The following DDAH1 variants were observed in gnomAD, a reference collection of about 807,000 sequenced individuals.
The protein encoded by DDAH1 is N(G),N(G)-dimethylarginine dimethylaminohydrolase 1.
In DDAH1, 19 loss-of-function variants were observed where a neutral mutation model predicts 28.8. That is an observed-to-expected ratio of 0.66 (90% confidence interval 0.46 to 0.97). The LOEUF is 0.97. Among genes scored for constraint, DDAH1 ranks in the 50% least tolerant of loss-of-function variants. DDAH1 has a pLI of 0.00. For missense variants in DDAH1, 326 were observed against 375.9 expected (o/e 0.87, Z 1.10); for synonymous variants, 153 against 154.4 (o/e 0.99, Z 0.07).
chr1:85,360,897 T>A (rs1049607679), intron 1 of DDAH1, among the ~76,000 whole-genome samples: 1 of 152,198 alleles, frequency 6.6e-6, no homozygotes, highest in Non-Finnish European at 1.5e-5. Flanking sequence ...AACTAGCTCT[T>A]GTGCAGGGGC....
At chr1:85,403,224 AATAT>A (rs199694296) in intron 1 of DDAH1, among the ~76,000 whole-genome samples, 7 of 80,028 alleles carry the variant, frequency 8.7e-5, no homozygotes, top group Non-Finnish European at 1.9e-4. Flanking sequence ...TATGTATGTG[AATAT>A]ATATGTGTGT....
intron 1 of DDAH1, among the ~76,000 whole-genome samples, chr1:85,409,362 A>C (rs187324954): frequency 3.2e-4 from 49 of 152,258 alleles, no homozygotes; most frequent in African/African-American, 1.1e-3. Context: ...AAAGAGAAAG[A>C]TCTGATCATG....
chr1:85,518,164 C>T lies in DDAH1; in HGVS notation c.-122-21883G>A, dbSNP rs368068726. ...CTCTGATTTAGCTATATATATGCAC[C>T]CTGGAATCAGACTACCTGAGCTCCC... On this transcript the variant is annotated intron_variant, in intron 1 of 6. Coordinates refer to the DDAH1 transcript ENST00000426972. 2.4e-4 allele frequency among the ~76,000 whole-genome samples: 36 copies of T among 152,252 alleles called. No individual in the cohort carries two copies. In the South Asian group the frequency reaches 7.0e-3, roughly 30 times the overall value.
At chr1:85,388,428 C>A (rs1651385683) in intron 1 of DDAH1, among the ~76,000 whole-genome samples, 1 of 151,962 alleles carries the variant, frequency 6.6e-6, no homozygotes, top group Admixed American at 6.5e-5. Flanking sequence ...TATGAGATTA[C>A]AGAAATAATG....
intron 1 of DDAH1, among the ~76,000 whole-genome samples, chr1:85,508,876 A>G (rs924093668): frequency 5.3e-5 from 8 of 152,182 alleles, no homozygotes; most frequent in Non-Finnish European, 8.8e-5. Flanking sequence ...TCTAGACTCC[A>G]CCTCTGCCGG....
Position 85,358,757 on chromosome 1 carries a change from A to G in DDAH1, c.394T>C (p.Leu132=). The G allele has an allele frequency of 6.2e-7, 1 of 1,605,140 alleles. No individual in the cohort carries two copies. The highest frequency in any genetic ancestry group is 1.1e-5 in the South Asian group (1 of 89,922). The stretch of plus-strand genomic sequence containing the variant: ...ATAAATACAACTATACCTGTGAATA[A>G]AACATCTCCGCCATCTAAAGTTGCA... ...ENATLDGGDV[L]FTGREFFVGL... Residue 132 remains leucine (L), a synonymous_variant, in exon 2 of 6, where the codon TTA becomes CTA. Coordinates refer to ENST00000284031, the MANE Select transcript of DDAH1 (RefSeq NM_012137.4).
intron 1 of DDAH1, among the ~76,000 whole-genome samples, chr1:85,457,814 C>T (rs992392365): frequency 4.6e-5 from 7 of 152,136 alleles, no homozygotes; most frequent in East Asian, 1.9e-4. Context: ...CTCAGCCTCC[C>T]GAGTAGCTGG....
chr1:85,401,490 CTTTT>C (rs1179870149), intron 1 of DDAH1, among the ~76,000 whole-genome samples: 3 of 134,834 alleles, frequency 2.2e-5, no homozygotes, highest in East Asian at 2.3e-4. Flanking sequence ...TTTCTTTTTT[CTTTT>C]TTCTTTCTTT....
At chr1:85,346,835 A>C (rs988974042) in intron 4 of DDAH1, among the ~76,000 whole-genome samples, 2 of 152,232 alleles carry the variant, frequency 1.3e-5, no homozygotes, top group African/African-American at 4.8e-5. Flanking sequence ...GGCAACCTAC[A>C]GAATGGGAGA....
At chr1:85,556,076 G>A (rs1658954896) in intron 1 of DDAH1, among the ~76,000 whole-genome samples, 2 of 118,168 alleles carry the variant, frequency 1.7e-5, no homozygotes, top group African/African-American at 3.1e-5. Context: ...CACCACCGCC[G>A]CCGCCTCCTC....
rs112689101 is a variant in DDAH1 at position 85,435,957 on chromosome 1, A to ATT, written c.303+28784_303+28785dup. 8.7e-4 allele frequency among the ~76,000 whole-genome samples: 129 copies of ATT among 147,770 alleles called. 1 individual carries two copies. The highest frequency in any genetic ancestry group is 6.3e-3 in the South Asian group (29 of 4,640). ...TGGCGTGTGCCACAATGCCCGGCTAATTTTGTGTGTGTGTGTGTGTGTGTG... is the reference window on the plus strand; with the variant it reads ...TGGCGTGTGCCACAATGCCCGGCTAATTTTTTGTGTGTGTGTGTGTGTGTGTG... On this transcript the variant is annotated intron_variant, in intron 1 of 5. Coordinates refer to ENST00000284031, the MANE Select transcript of DDAH1 (RefSeq NM_012137.4).
rs1291247740 is a variant in DDAH1 at position 85,568,540 on chromosome 1, T to C, written c.-123+9444A>G. Among the ~76,000 whole-genome samples the C allele has an allele frequency of 2.0e-5, 3 of 152,192 alleles. No homozygotes were observed. In the East Asian group the frequency reaches 5.8e-4, roughly 29 times the overall value. On this transcript the variant is annotated intron_variant, in intron 1 of 6. Transcript: ENST00000426972. ...AAGGCCAAGAATATAATTCACACAT[T>C]CACTAGCTATCATTAGAACACCAGA... is the stretch of plus-strand genomic sequence containing the variant.
intron 1 of DDAH1, among the ~76,000 whole-genome samples, chr1:85,378,774 T>C (rs1372932273): frequency 2.0e-5 from 3 of 152,112 alleles, no homozygotes; most frequent in Non-Finnish European, 1.5e-5. Flanking sequence ...TTCTTGCAAA[T>C]GAAGTAAGCA....
At chr1:85,345,628 G>A (rs1648796673) in intron 4 of DDAH1, among the ~76,000 whole-genome samples, 1 of 152,100 alleles carries the variant, frequency 6.6e-6, no homozygotes, top group East Asian at 1.9e-4. Context: ...ACTTTGGGAG[G>A]CCGAGGCAGG....
intron 4 of DDAH1, among the ~76,000 whole-genome samples, chr1:85,335,513 ATATATT>A (rs1648048968): frequency 6.6e-6 from 1 of 152,232 alleles, no homozygotes; most frequent in Non-Finnish European, 1.5e-5. Context: ...GCAGGAGTAG[ATATATT>A]TATATCAGAT....
At chr1:85,577,677 C>A (rs1305126776) in intron 1 of DDAH1, among the ~76,000 whole-genome samples, 1 of 151,944 alleles carries the variant, frequency 6.6e-6, no homozygotes, top group Non-Finnish European at 1.5e-5. Flanking sequence ...AGTCTGAGAG[C>A]CTTCCTAGGG....
intron 1 of DDAH1, among the ~76,000 whole-genome samples, chr1:85,561,213 T>G (rs1252180262): frequency 4.6e-5 from 7 of 152,094 alleles, no homozygotes; most frequent in African/African-American, 1.7e-4. Context: ...GGGAAAATAG[T>G]GCCTACCTCA....
chr1:85,574,433 T>C (rs1306466362), intron 1 of DDAH1, among the ~76,000 whole-genome samples: 1 of 152,238 alleles, frequency 6.6e-6, no homozygotes, highest in East Asian at 1.9e-4. Flanking sequence ...AGGAATCCTA[T>C]GGTCCAGTGC....
At chr1:85,492,562 T>C (rs746635679) in intron 2 of DDAH1, among the ~76,000 whole-genome samples, 1 of 152,182 alleles carries the variant, frequency 6.6e-6, no homozygotes, top group African/African-American at 2.4e-5. Context: ...CATTGGACCA[T>C]TGATATCAGC....
Sources: gnomAD v4.1 joint callset for allele counts (sites outside exome capture counted in the v4.1 genomes callset) on GRCh38, gnomAD v4.1.1 for gene constraint, MANE v1.5 for transcripts, NCBI Gene and HGNC (gene_info 2026-07-23, HGNC 2026-07-21) for gene names.